Variants in NRDE2 observed in about 807,000 individuals in gnomAD.
NRDE2 encodes the protein nuclear exosome regulator NRDE2.
In NRDE2, 76 loss-of-function variants were observed where a neutral mutation model predicts 124.2. That is an observed-to-expected ratio of 0.61 (90% confidence interval 0.51 to 0.74). The LOEUF is 0.74. NRDE2 is among the 30% of genes least tolerant of loss of function. The pLI is 0.00. For synonymous variants in NRDE2, 489 were observed against 528.1 expected (o/e 0.93, Z 1.01); for missense variants, 1,314 against 1,417.3 (o/e 0.93, Z 1.17).
At chr14:90,292,615 T>C in intron 9 of NRDE2, 82 bp downstream of exon 9, 3 of 1,487,450 alleles carry the variant, frequency 2.0e-6, no homozygotes, top group Middle Eastern at 2.3e-4. Flanking sequence ...GCGGCCTCCT[T>C]TCAGATAACC....
Position 90,271,929 on chromosome 14 carries a change from G to T in NRDE2, c.*6407C>A. ...TTTTTTTTGAGGTAGAGTTTCGCTC[G>T]TTGCTCAGGCTAGAGTGCAGTGGCG... On this transcript the variant is annotated 3_prime_UTR_variant, in exon 14 of 14. Transcript: ENST00000354366. The T allele has an allele frequency of 7.0e-6, 1 of 143,702 alleles. No individual in the cohort carries two copies. The highest frequency in any genetic ancestry group is 1.5e-5 in the Non-Finnish European group (1 of 67,624). The allele number at this position is 143,702 out of a possible 1,614,324, so 8.9% of individuals were successfully genotyped here. A position where few individuals can be genotyped will look rare whatever the true frequency, so the allele number is the denominator to read the frequency against.
Position 90,270,669 on chromosome 14 carries a change from A to G in NRDE2, c.*7667T>C, listed in dbSNP as rs892408359. The G allele has an allele frequency of 3.2e-5, 7 of 220,298 alleles. No homozygotes were observed. The highest frequency in any genetic ancestry group is 6.2e-5 in the Non-Finnish European group (7 of 112,132). 13.6% of individuals were successfully genotyped at this position (220,298 alleles called of 1,614,324 possible). On this transcript the variant is annotated 3_prime_UTR_variant, in exon 14 of 14. Coordinates refer to ENST00000354366, the MANE Select transcript of NRDE2 (RefSeq NM_017970.4). ...CTCAGTCCCAGGTCAGGGGAAGGGT[A>G]TGTCCTGGGAGAACTCTCCCCAGAG... is the stretch of plus-strand genomic sequence containing the variant.
intron 9 of NRDE2, among the ~76,000 whole-genome samples, chr14:90,291,324 T>C (rs1401892233): frequency 6.6e-6 from 1 of 152,234 alleles, no homozygotes; most frequent in Admixed American, 6.5e-5. Flanking sequence ...CACAATAAAC[T>C]AGAGTATGTG....
chr14:90,286,104 C>G (rs1037806409), intron 12 of NRDE2, among the ~76,000 whole-genome samples: 2 of 152,196 alleles, frequency 1.3e-5, no homozygotes, highest in African/African-American at 4.8e-5. Flanking sequence ...AGCCCAGTAA[C>G]TACTCAACTT....
At chr14:90,291,868 G>C (rs1479091023) in intron 9 of NRDE2, among the ~76,000 whole-genome samples, 1 of 152,180 alleles carries the variant, frequency 6.6e-6, no homozygotes, top group Non-Finnish European at 1.5e-5. Flanking sequence ...AGGATTCACC[G>C]AGTGCTCACC....
intron 1 of NRDE2, among the ~76,000 whole-genome samples, chr14:90,325,514 A>G (rs1433217364): frequency 6.6e-6 from 1 of 152,046 alleles, no homozygotes; most frequent in Non-Finnish European, 1.5e-5. Flanking sequence ...TGCCTACTTA[A>G]ATCCTGGCCT....
At chr14:90,303,738 G>A (rs915895099) in intron 5 of NRDE2, among the ~76,000 whole-genome samples, 197 bp downstream of exon 5, 3 of 152,134 alleles carry the variant, frequency 2.0e-5, no homozygotes, top group Admixed American at 1.3e-4. Context: ...TACTACCCCA[G>A]GGTGCACTTA....
intron 13 of NRDE2, chr14:90,278,692 G>C: frequency 1.8e-6 from 1 of 560,178 alleles, no homozygotes. Flanking sequence ...TCTTTTAAAA[G>C]GGGTCCAGGA....
rs768485922 is a variant in NRDE2, at chr14:90,272,985, CTA to C, written c.*5349_*5350del. 3 of 152,170 alleles carry C rather than the reference CTA, an allele frequency of 2.0e-5. No individual in the cohort carries two copies. The highest frequency in any genetic ancestry group is 4.4e-5 in the Non-Finnish European group (3 of 68,032). The allele number at this position is 152,170 out of a possible 1,614,324, so 9.4% of individuals were successfully genotyped here. A position where few individuals can be genotyped will look rare whatever the true frequency, so the allele number is the denominator to read the frequency against. On this transcript the variant is annotated 3_prime_UTR_variant, in exon 14 of 14. Coordinates refer to ENST00000354366, the MANE Select transcript of NRDE2 (RefSeq NM_017970.4). This position sits in a 1 kb window ranked among gnomAD's most constrained non-coding sequence, Gnocchi z 4.5. ...GGTGTTCCCAAGAGACTGAGGATTC[CTA>C]GAGATATCTTGAAAGCCCTTCTGAG...
chr14:90,324,959 C>T (rs925040908), intron 1 of NRDE2, among the ~76,000 whole-genome samples: 4 of 152,190 alleles, frequency 2.6e-5, no homozygotes, highest in Middle Eastern at 3.4e-3. Context: ...GCAGGACTAA[C>T]GGCGGGGACG....
chr14:90,326,078 T>A (rs1425539279), intron 1 of NRDE2, among the ~76,000 whole-genome samples: 1 of 152,186 alleles, frequency 6.6e-6, no homozygotes, highest in Non-Finnish European at 1.5e-5. Context: ...ACTGGTTGAA[T>A]AAAGCATGTG....
chr14:90,328,969 A>G (rs1885561520), intron 1 of NRDE2, among the ~76,000 whole-genome samples: 1 of 152,236 alleles, frequency 6.6e-6, no homozygotes. Flanking sequence ...ACATCTCGTG[A>G]AATTTGAACA....
At chr14:90,327,320 C>G (rs976516148) in intron 1 of NRDE2, among the ~76,000 whole-genome samples, 3 of 152,136 alleles carry the variant, frequency 2.0e-5, no homozygotes, top group African/African-American at 7.2e-5. Flanking sequence ...GAGGCCGTGG[C>G]GGGAGCACTG....
At chr14:90,318,151 T>C in intron 1 of NRDE2, 38 bp from the exon 2 acceptor site, 1 of 1,468,270 alleles carries the variant, frequency 6.8e-7, no homozygotes, top group Non-Finnish European at 9.5e-7. Flanking sequence ...ATGAAATTAG[T>C]TCAATATGAT....
chr14:90,312,688 G>A, intron 3 of NRDE2, 145 bp from the exon 4 acceptor site: 1 of 758,324 alleles, frequency 1.3e-6, no homozygotes. Context: ...ATGTACATGT[G>A]CCACAGAGAT....
rs1314334264 is a variant in NRDE2, at chr14:90,268,527, G to A, written c.*9809C>T. 2.3e-5 allele frequency: 24 copies of A among 1,039,638 alleles called. No homozygotes were observed. Among genetic ancestry groups the A allele is most frequent in the South Asian group, 4.6e-5 (3 of 65,924 alleles). 64.4% of individuals were successfully genotyped at this position (1,039,638 alleles called of 1,614,324 possible). A position where few individuals can be genotyped will look rare whatever the true frequency, so the allele number is the denominator to read the frequency against. Reference sequence around the variant, plus strand: ...CCTATGGCCACAGTTCTTGCTGTGCGTGGCCTTCCATGCATGCTTTAGGCT... The same window carrying A: ...CCTATGGCCACAGTTCTTGCTGTGCATGGCCTTCCATGCATGCTTTAGGCT... On this transcript the variant is annotated 3_prime_UTR_variant, in exon 14 of 14. Coordinates refer to ENST00000354366, the MANE Select transcript of NRDE2 (RefSeq NM_017970.4).
chr14:90,328,956 G>A (rs1476199505), intron 1 of NRDE2, among the ~76,000 whole-genome samples: 1 of 152,164 alleles, frequency 6.6e-6, no homozygotes, highest in Non-Finnish European at 1.5e-5. Context: ...TCCCATTTTT[G>A]AAACATCTCG....
At chr14:90,280,237 C>T (rs1891916908) in intron 12 of NRDE2, 1 of 152,308 alleles carries the variant, frequency 6.6e-6, no homozygotes, top group East Asian at 1.9e-4. Context: ...CAGTCCTTCT[C>T]AACCGTTAAC....
At chr14:90,292,916 C>T in intron 8 of NRDE2, 44 bp from the exon 9 acceptor site, 3 of 1,563,452 alleles carry the variant, frequency 1.9e-6, no homozygotes, top group South Asian at 1.1e-5. Flanking sequence ...CAAATAAAAC[C>T]ACCATCGCCA....
Sources: gnomAD v4.1 joint callset for allele counts (sites outside exome capture counted in the v4.1 genomes callset) on GRCh38, gnomAD v4.1.1 for gene constraint, Gnocchi (gnomAD v3.1) non-coding constraint, MANE v1.5 for transcripts, NCBI Gene and HGNC (gene_info 2026-07-23, HGNC 2026-07-21) for gene names.